Variants in KIAA0825 observed in about 807,000 individuals in gnomAD.
KIAA0825 encodes the protein KIAA0825, also known as uncharacterized protein KIAA0825.
In KIAA0825, 119 loss-of-function variants were observed where a neutral mutation model predicts 147.6. The observed-to-expected ratio is 0.81, with a 90% CI of 0.69 to 0.94. KIAA0825 has a LOEUF of 0.94. Ranked by LOEUF, KIAA0825 falls within the 40% of genes least tolerant of loss-of-function variation. KIAA0825 has a pLI of 0.00. For synonymous variants in KIAA0825, 470 were observed against 518.1 expected, an observed-to-expected ratio of 0.91 and a Z score of 1.26; for missense variants, 1,381 against 1,472.7, an observed-to-expected ratio of 0.94 and a Z score of 1.02.
chr5:94,613,070 T>C (rs1188061207), intron 1 of KIAA0825, among the ~76,000 whole-genome samples: 1 of 152,232 alleles, frequency 6.6e-6, no homozygotes, highest in African/African-American at 2.4e-5. Flanking sequence ...AATTCAGTTG[T>C]TTACATTATA....
At chr5:94,541,214 C>G (rs1363647421) in intron 2 of KIAA0825, among the ~76,000 whole-genome samples, 1 of 152,296 alleles carries the variant, frequency 6.6e-6, no homozygotes, top group African/African-American at 2.4e-5. Context: ...GAGTTAGACG[C>G]TGGAAAGAGT....
chr5:94,585,773 T>C (rs1011584163), intron 1 of KIAA0825, among the ~76,000 whole-genome samples: 4 of 152,150 alleles, frequency 2.6e-5, no homozygotes, highest in Non-Finnish European at 4.4e-5. Flanking sequence ...TTTCTAAAAT[T>C]AACCCCATAA....
intron 3 of KIAA0825, among the ~76,000 whole-genome samples, chr5:94,536,323 C>T (rs1232513771): frequency 6.6e-6 from 1 of 152,194 alleles, no homozygotes; most frequent in Non-Finnish European, 1.5e-5. Context: ...TGTATCATTA[C>T]ACAATAGAAA....
intron 20 of KIAA0825, among the ~76,000 whole-genome samples, chr5:94,352,995 G>A (rs485494): frequency 0.2 from 29,699 of 151,828 alleles, 3,407 homozygotes; most frequent in Non-Finnish European, 0.25. Context: ...TGGGTGATGC[G>A]TGCACCAAAA....
At chr5:94,178,384 A>G (rs185616244) in intron 20 of KIAA0825, among the ~76,000 whole-genome samples, 3 of 152,044 alleles carry the variant, frequency 2.0e-5, no homozygotes, top group East Asian at 3.9e-4. Context: ...CTTGATTTTA[A>G]TGAGAGTTCT....
intron 20 of KIAA0825, among the ~76,000 whole-genome samples, chr5:94,218,186 T>C (rs574079138): frequency 2.6e-5 from 4 of 152,302 alleles, no homozygotes; most frequent in Admixed American, 2.6e-4. Context: ...ATAATGACAC[T>C]CCTTAGAAAT....
In KIAA0825 at chr5:94,471,540, T is replaced by G. The variant is rs760182599; in HGVS notation, c.1647A>C (p.Thr549=). 1.3e-6 allele frequency: 2 copies of G among 1,552,038 alleles called. No individual in the cohort carries two copies. Among genetic ancestry groups the G allele is most frequent in the Non-Finnish European group, 1.7e-6 (2 of 1,147,058 alleles). The part of the protein sequence containing the change: ...PSKAPLKNLH[T]YLSTAVYVFQ... ...AGACATACACCGCTGTGGAGAGGTA[T>G]GTGTGCAAGTTTTTCAGGGGTGCTT... Residue 549 remains threonine, a synonymous_variant, in exon 9 of 21, where the codon ACA becomes ACC. Transcript: ENST00000682413.
At chr5:94,583,600 T>TATATGA (rs1050994009) in intron 1 of KIAA0825, among the ~76,000 whole-genome samples, 9 of 152,134 alleles carry the variant, frequency 5.9e-5, no homozygotes, top group Non-Finnish European at 1.0e-4. Flanking sequence ...GGGCAGGGCA[T>TATATGA]ATATGAACAA....
At chr5:94,409,766 T>C (rs1752516304) in intron 15 of KIAA0825, among the ~76,000 whole-genome samples, 1 of 152,198 alleles carries the variant, frequency 6.6e-6, no homozygotes, top group African/African-American at 2.4e-5. Flanking sequence ...TTTCAGTAAA[T>C]GGGCTAAACC....
intron 20 of KIAA0825, among the ~76,000 whole-genome samples, chr5:94,346,642 G>A (rs555638945): frequency 4.6e-5 from 7 of 152,296 alleles, no homozygotes; most frequent in East Asian, 1.9e-4. Flanking sequence ...AAATACAGGG[G>A]TAGACGAAGC....
chr5:94,470,080 G>C lies in KIAA0825; in HGVS notation c.1753C>G (p.Gln585Glu). The C allele has an allele frequency of 6.4e-7, 1 of 1,551,518 alleles. No individual in the cohort carries two copies. The highest frequency in any genetic ancestry group is 8.7e-7 in the Non-Finnish European group (1 of 1,146,910). The change falls in exon 10 of 21, where the codon CAG becomes GAG. Residue 585 changes from glutamine (Q) to glutamate (E), a missense_variant. By Grantham distance (29) the Gln-to-Glu change is conservative. Transcript: ENST00000682413. ...PIFLVLVQRY[Q>E]EFINTLQFQV... Reference sequence around the variant, plus strand: ...AACTGTAGAGTGTTGATGAATTCCTGATATCGTTGGACAAGCACCAGGAAT... The same window carrying C: ...AACTGTAGAGTGTTGATGAATTCCTCATATCGTTGGACAAGCACCAGGAAT...
intron 20 of KIAA0825, among the ~76,000 whole-genome samples, chr5:94,305,482 G>C (rs376259712): frequency 6.6e-6 from 1 of 151,912 alleles, no homozygotes; most frequent in Non-Finnish European, 1.5e-5. Flanking sequence ...TTCCCCAGTA[G>C]GGTTTCACGA....
chr5:94,608,441 A>ATGTGTGTATG (rs1554056803), intron 1 of KIAA0825, among the ~76,000 whole-genome samples: 2 of 37,982 alleles, frequency 5.3e-5, no homozygotes, highest in African/African-American at 2.8e-4. Context: ...TTGTGTGTGT[A>ATGTGTGTATG]TGTGTGTGTG....
chr5:94,386,110 T>A, intron 19 of KIAA0825, 132 bp downstream of exon 19: 1 of 708,574 alleles, frequency 1.4e-6, no homozygotes, highest in Non-Finnish European at 2.3e-6. Context: ...GTACAGACCA[T>A]GTAAATAAGA....
chr5:94,254,938 T>G (rs939767361), intron 20 of KIAA0825, among the ~76,000 whole-genome samples: 1 of 152,048 alleles, frequency 6.6e-6, no homozygotes, highest in Non-Finnish European at 1.5e-5. Flanking sequence ...GGATTACAGA[T>G]GTATTTCTCT....
At chr5:94,524,150 C>T (rs1584773325) in intron 3 of KIAA0825, 52 bp from the exon 4 acceptor site, 1 of 1,199,038 alleles carries the variant, frequency 8.3e-7, no homozygotes, top group Non-Finnish European at 1.2e-6. Context: ...ATAATGGCTT[C>T]ATTTCATAAT....
chr5:94,173,078 T>C (rs1768781544), intron 20 of KIAA0825, among the ~76,000 whole-genome samples: 1 of 152,256 alleles, frequency 6.6e-6, no homozygotes, highest in East Asian at 1.9e-4. Context: ...AATAACTATT[T>C]TAATTTATAA....
intron 20 of KIAA0825, among the ~76,000 whole-genome samples, chr5:94,298,740 C>T (rs901625509): frequency 9.9e-5 from 15 of 152,082 alleles, no homozygotes; most frequent in African/African-American, 3.4e-4. Context: ...CAGATTCCTT[C>T]GAGTAGTTTA....
chr5:94,558,198 C>T (rs980747285), intron 2 of KIAA0825, among the ~76,000 whole-genome samples: 1 of 152,166 alleles, frequency 6.6e-6, no homozygotes, highest in Non-Finnish European at 1.5e-5. Context: ...GGTCAGAGAA[C>T]ATGAGGCTTG....
Sources: allele counts gnomAD v4.1 joint callset (sites outside exome capture counted in the v4.1 genomes callset), GRCh38; gene constraint gnomAD v4.1.1; transcripts MANE v1.5; gene names NCBI Gene and HGNC (gene_info 2026-07-23, HGNC 2026-07-21).